Variants in EPHA6 observed in about 807,000 individuals in gnomAD.
EPHA6 encodes EPH receptor A6, also known as ephrin type-A receptor 6.
Under a neutral mutation model 112.0 loss-of-function variants are expected in EPHA6, and 50 were observed. The ratio of observed to expected loss-of-function variants is 0.45; its 90% CI spans 0.36 to 0.56. The LOEUF is 0.56. Among genes scored for constraint, EPHA6 ranks in the 20% least tolerant of loss-of-function variants. EPHA6 has a pLI of 0.00. For synonymous variants in EPHA6, 529 were observed against 490.7 expected, an observed-to-expected ratio of 1.08 and a Z score of -1.03; for missense variants, 1,280 against 1,417.4, an observed-to-expected ratio of 0.90 and a Z score of 1.56.
chr3:97,055,573 A>C (rs2045826242), intron 3 of EPHA6, among the ~76,000 whole-genome samples: 1 of 152,144 alleles, frequency 6.6e-6, no homozygotes, highest in South Asian at 2.1e-4. Context: ...TGAGTGCTTA[A>C]GTGTGGTAGG....
intron 11 of EPHA6, among the ~76,000 whole-genome samples, chr3:97,574,400 G>C (rs563866742): frequency 6.6e-6 from 1 of 152,146 alleles, no homozygotes; most frequent in Non-Finnish European, 1.5e-5. Context: ...TGAAGGATGA[G>C]TAAAATGTGG....
At chr3:97,520,832 G>A (rs188958955) in intron 10 of EPHA6, among the ~76,000 whole-genome samples, 36 of 152,218 alleles carry the variant, frequency 2.4e-4, no homozygotes, top group Non-Finnish European at 4.1e-4. Flanking sequence ...CTGGAACATT[G>A]AAAATTTGAA....
chr3:97,145,701 T>C (rs2076027063), intron 3 of EPHA6, among the ~76,000 whole-genome samples: 3 of 151,738 alleles, frequency 2.0e-5, no homozygotes. Context: ...TTTTATTTTG[T>C]GTCATACCAC....
At chr3:97,469,313 C>A (rs1001071683) in intron 7 of EPHA6, among the ~76,000 whole-genome samples, 22 of 151,600 alleles carry the variant, frequency 1.5e-4, no homozygotes, top group Middle Eastern at 3.2e-3. Flanking sequence ...TTTGTAGATG[C>A]CTCCCCAACC....
At chr3:97,056,363 G>A (rs1380269334) in intron 3 of EPHA6, among the ~76,000 whole-genome samples, 1 of 151,974 alleles carries the variant, frequency 6.6e-6, no homozygotes, top group Non-Finnish European at 1.5e-5. Flanking sequence ...TTACATACTT[G>A]GAATTACAAG....
chr3:97,084,637 A>G (rs924111356), intron 3 of EPHA6, among the ~76,000 whole-genome samples: 2 of 152,094 alleles, frequency 1.3e-5, no homozygotes, highest in African/African-American at 4.8e-5. Flanking sequence ...TCTGGAACAC[A>G]ATCCTATTTA....
intron 3 of EPHA6, among the ~76,000 whole-genome samples, chr3:97,225,038 C>T (rs1443471255): frequency 6.6e-6 from 1 of 152,122 alleles, no homozygotes; most frequent in African/African-American, 2.4e-5. Context: ...TCACTGCAAG[C>T]TCCGCCTCCC....
intron 3 of EPHA6, among the ~76,000 whole-genome samples, chr3:97,220,830 C>A (rs1341571073): frequency 1.3e-5 from 2 of 152,098 alleles, no homozygotes; most frequent in Non-Finnish European, 2.9e-5. Context: ...TAAACTCTTA[C>A]AATAGACAAT....
At chr3:97,516,814 A>C (rs531872680) in intron 10 of EPHA6, among the ~76,000 whole-genome samples, 1 of 152,340 alleles carries the variant, frequency 6.6e-6, no homozygotes, top group East Asian at 1.9e-4. Flanking sequence ...ATACTATGCA[A>C]ATTTTAAAAA....
chr3:97,298,228 C>T (rs2080947183), intron 5 of EPHA6, among the ~76,000 whole-genome samples: 1 of 152,100 alleles, frequency 6.6e-6, no homozygotes, highest in Admixed American at 6.5e-5. Context: ...GATGTATTTT[C>T]CCCAGAATGG....
intron 10 of EPHA6, among the ~76,000 whole-genome samples, chr3:97,523,607 G>A (rs1052813581): frequency 2.6e-5 from 4 of 151,870 alleles, no homozygotes; most frequent in African/African-American, 4.8e-5. Flanking sequence ...ACTATCCATC[G>A]TTGAAAGTGC....
intron 5 of EPHA6, among the ~76,000 whole-genome samples, chr3:97,311,728 ATCTTGGTTCTTCTTTTTGAGATCTGTT>A (rs1357950526): frequency 6.9e-6 from 1 of 144,642 alleles, no homozygotes; most frequent in East Asian, 2.0e-4. Context: ...TATTTCTACA[ATCTTGGTTCTTCTTTTTGAGATCTGTT>A]TGGCTATTCC....
chr3:96,848,120 A>G (rs375883999), intron 1 of EPHA6, among the ~76,000 whole-genome samples: 5 of 152,064 alleles, frequency 3.3e-5, no homozygotes, highest in African/African-American at 1.2e-4. Flanking sequence ...ATTTCATTAA[A>G]TGTATCTTAC....
At chr3:96,980,400 C>T (rs1165650844) in intron 2 of EPHA6, among the ~76,000 whole-genome samples, 3 of 143,098 alleles carry the variant, frequency 2.1e-5, no homozygotes, top group African/African-American at 7.8e-5. Flanking sequence ...TGTTCTGTTC[C>T]ATTGGTCTAT....
In EPHA6 at chr3:96,980,927, T is replaced by G. The variant is rs936464463; in HGVS notation, c.451-6403T>G. On this transcript the variant is annotated intron_variant, in intron 2 of 17. Transcript: ENST00000389672. Reference sequence around the variant, plus strand: ...TATCCTGAGACTTTGCTGAAGTTGCTTATCAGCTTAAGGAGATTTTGGGCT... The same window carrying G: ...TATCCTGAGACTTTGCTGAAGTTGCGTATCAGCTTAAGGAGATTTTGGGCT... Among the ~76,000 whole-genome samples, 149 of 152,318 alleles carry G rather than the reference T, an allele frequency of 9.8e-4. 1 individual carries two copies. The highest frequency in any genetic ancestry group is 2.0e-4 in the Admixed American group (3 of 15,290).
chr3:97,293,707 G>A (rs987988726), intron 5 of EPHA6, among the ~76,000 whole-genome samples: 4 of 152,216 alleles, frequency 2.6e-5, no homozygotes, highest in Non-Finnish European at 4.4e-5. Flanking sequence ...ACTTGGAATG[G>A]GCAGCCCAGG....
chr3:97,071,799 G>A (rs2046366938), intron 3 of EPHA6, among the ~76,000 whole-genome samples: 1 of 151,532 alleles, frequency 6.6e-6, no homozygotes, highest in Admixed American at 6.6e-5. Flanking sequence ...TGATTATTTT[G>A]TGAGATTTTG....
chr3:97,433,899 C>T (rs952405722), intron 6 of EPHA6, among the ~76,000 whole-genome samples: 2 of 152,100 alleles, frequency 1.3e-5, no homozygotes, highest in African/African-American at 2.4e-5. Flanking sequence ...CAGATGGTTA[C>T]TACCCCCATG....
chr3:97,734,053 A>G (rs1371505660), intron 15 of EPHA6, among the ~76,000 whole-genome samples: 1 of 152,026 alleles, frequency 6.6e-6, no homozygotes, highest in Non-Finnish European at 1.5e-5. Context: ...CTGAGTCTAA[A>G]TTGTCTCATT....
Sources: allele counts gnomAD v4.1 joint callset (sites outside exome capture counted in the v4.1 genomes callset), GRCh38; gene constraint gnomAD v4.1.1; transcripts MANE v1.5; gene names NCBI Gene and HGNC (gene_info 2026-07-23, HGNC 2026-07-21).